The following ATP2C1 variants were observed in gnomAD, a reference collection of about 807,000 sequenced individuals.
ATP2C1 encodes the protein ATPase secretory pathway Ca2+ transporting 1, also known as calcium-transporting ATPase type 2C member 1.
A neutral mutation model predicts 120.5 loss-of-function variants in ATP2C1; 31 were observed. That is an observed-to-expected ratio of 0.26 (90% confidence interval 0.19 to 0.35). The LOEUF (loss-of-function observed/expected upper bound fraction) is 0.35. Among genes scored for constraint, ATP2C1 ranks in the 10% least tolerant of loss-of-function variants. The pLI, the probability that ATP2C1 is intolerant of heterozygous loss-of-function variation, is 1.00. For missense variants in ATP2C1, 731 were observed against 1,107.5 expected (o/e 0.66, Z 4.83); for synonymous variants, 351 against 358.7 (o/e 0.98, Z 0.24).
At chr3:130,850,663 A>C (rs1388816100) in exon 1 of ATP2C1, 4 of 447,774 alleles carry the variant, frequency 8.9e-6, no homozygotes, top group Non-Finnish European at 1.6e-5. Flanking sequence ...AACTCTACCC[A>C]AAAGAGGAAA....
intron 2 of ATP2C1, among the ~76,000 whole-genome samples, chr3:130,912,341 G>A (rs945894727): frequency 3.1e-4 from 47 of 151,200 alleles, no homozygotes; most frequent in East Asian, 2.9e-3. Context: ...GAAAATTTTC[G>A]CAACCTACTC....
At chr3:130,924,607 G>A (rs558204779) in intron 2 of ATP2C1, among the ~76,000 whole-genome samples, 2 of 152,246 alleles carry the variant, frequency 1.3e-5, no homozygotes, top group Admixed American at 1.3e-4. Context: ...AGATTTGGAT[G>A]TCTAGATCTC....
At position 130,894,149 on chromosome 3, in the gene ATP2C1, T is replaced by TGCCCCCCCC; in HGVS notation, c.-369_-368insGCCCCCCCC. 1 of 694,858 alleles carries TGCCCCCCCC rather than the reference T, an allele frequency of 1.4e-6. No individual in the cohort carries two copies. Among genetic ancestry groups the TGCCCCCCCC allele is most frequent in the Non-Finnish European group, 1.8e-6 (1 of 565,212 alleles). 43.0% of individuals were successfully genotyped at this position (694,858 alleles called of 1,614,324 possible). On this transcript the variant is annotated 5_prime_UTR_variant, in exon 1 of 28. Transcript: ENST00000510168. This position sits in a 1 kb window ranked among gnomAD's most constrained non-coding sequence, Gnocchi z 4.5. ...ACGGGTCCCCTCACCTCCTCTTCTC[T>TGCCCCCCCC]CCCCTCCCCGCCCGCCCTCTCTCCC...
intron 1 of ATP2C1, among the ~76,000 whole-genome samples, chr3:130,852,310 A>G (rs1460622768): frequency 6.6e-6 from 1 of 152,202 alleles, no homozygotes; most frequent in East Asian, 1.9e-4. Flanking sequence ...AAAGGATGGG[A>G]ACACAACTGT....
intron 1 of ATP2C1, among the ~76,000 whole-genome samples, chr3:130,878,691 C>T (rs1434719183): frequency 6.6e-6 from 1 of 152,168 alleles, no homozygotes. Flanking sequence ...TCTTTCAGCA[C>T]TTTGAATATA....
chr3:130,858,559 T>A (rs1024408173), intron 1 of ATP2C1, among the ~76,000 whole-genome samples: 6 of 152,216 alleles, frequency 3.9e-5, no homozygotes, highest in Non-Finnish European at 5.9e-5. Flanking sequence ...CAATTTCGCA[T>A]CTTTCTGTGG....
intron 4 of ATP2C1, among the ~76,000 whole-genome samples, chr3:130,933,973 A>G (rs1194214461): frequency 6.6e-6 from 1 of 152,212 alleles, no homozygotes; most frequent in Non-Finnish European, 1.5e-5. Context: ...AGATTCTAAC[A>G]TCAGAGTTTC....
At position 131,000,091 on chromosome 3, in the gene ATP2C1, T is replaced by A. The variant is rs1359864745; in HGVS notation, c.2629+432T>A. ...TTGTACATTCTAATTTCACAAAATGTCAGTCTGACCAAATAGCAGAATGTT... is the reference window on the plus strand; with the variant it reads ...TTGTACATTCTAATTTCACAAAATGACAGTCTGACCAAATAGCAGAATGTT... On this transcript the variant is annotated intron_variant, in intron 27 of 27. Transcript: ENST00000510168. Among the ~76,000 whole-genome samples the A allele has an allele frequency of 2.0e-5, 3 of 152,200 alleles. No homozygotes were observed. The East Asian group carries it at 5.8e-4, about 29-fold the overall frequency.
At chr3:131,001,093 A>G (rs2108961918) in intron 27 of ATP2C1, 127 bp from the exon 28 acceptor site, 2 of 690,980 alleles carry the variant, frequency 2.9e-6, no homozygotes, top group Non-Finnish European at 4.4e-6. Flanking sequence ...ACAGAGCAAG[A>G]CTTCATCTCA....
intron 1 of ATP2C1, among the ~76,000 whole-genome samples, chr3:130,854,592 G>C (rs544660871): frequency 6.2e-4 from 94 of 152,302 alleles, no homozygotes; most frequent in African/African-American, 2.3e-3. Context: ...GTGGAAGGGA[G>C]AATTTGCTCC....
chr3:130,882,150 TA>T (rs1423932556), intron 1 of ATP2C1, among the ~76,000 whole-genome samples: 1 of 152,164 alleles, frequency 6.6e-6, no homozygotes, highest in Non-Finnish European at 1.5e-5. Context: ...ATAATGACTC[TA>T]AGTTTTTCCC....
intron 17 of ATP2C1, among the ~76,000 whole-genome samples, chr3:130,972,816 A>G (rs2061387736): frequency 7.2e-6 from 1 of 139,182 alleles, no homozygotes; most frequent in South Asian, 2.1e-4. Context: ...ATGGCTGCAT[A>G]GTATTCCATG....
chr3:131,009,833 A>C (rs1482892885), intron 26 of ATP2C1, among the ~76,000 whole-genome samples: 2 of 152,196 alleles, frequency 1.3e-5, no homozygotes, highest in African/African-American at 4.8e-5. Flanking sequence ...AGCTGTGATG[A>C]CTGAAATGTG....
At chr3:130,935,866 T>G (rs867544833) in intron 5 of ATP2C1, among the ~76,000 whole-genome samples, 1 of 152,190 alleles carries the variant, frequency 6.6e-6, no homozygotes, top group Non-Finnish European at 1.5e-5. Flanking sequence ...ATGGGAAGTA[T>G]GCATGAAACT....
chr3:130,893,967 C>A, upstream of ATP2C1: 1 of 985,654 alleles, frequency 1.0e-6, no homozygotes, highest in Non-Finnish European at 1.2e-6. Flanking sequence ...CTGCGCGCAC[C>A]TCTCTCAGCG....
At chr3:130,961,573 G>A (rs1406087360) in intron 12 of ATP2C1, among the ~76,000 whole-genome samples, 1 of 152,012 alleles carries the variant, frequency 6.6e-6, no homozygotes. Flanking sequence ...TGGAATCATT[G>A]AGAAGGTTGA....
intron 6 of ATP2C1, among the ~76,000 whole-genome samples, chr3:130,938,216 TAAA>T (rs371913059): frequency 1.3e-5 from 2 of 152,302 alleles, no homozygotes; most frequent in African/African-American, 4.8e-5. Flanking sequence ...TACAGACAAA[TAAA>T]AATGTAGGCT....
chr3:130,894,608 G>A lies in ATP2C1; in HGVS notation c.-162G>A. ...CTTGCAGATGCTGCTGCTAGGGGTG[G>A]TGGGAGCAGCCGTGGGACGCGTGGC... On this transcript the variant is annotated 5_prime_UTR_variant, in exon 2 of 28. It adds an upstream start codon to the 5' untranslated region. Transcript: ENST00000510168. This position sits in a 1 kb window ranked among gnomAD's most constrained non-coding sequence, Gnocchi z 4.5. 2 of 1,560,896 alleles carry A rather than the reference G, an allele frequency of 1.3e-6. No homozygotes were observed. The highest frequency in any genetic ancestry group is 1.7e-6 in the Non-Finnish European group (2 of 1,151,792).
intron 20 of ATP2C1, among the ~76,000 whole-genome samples, chr3:130,992,271 T>A (rs1428985713): frequency 6.6e-6 from 1 of 151,468 alleles, no homozygotes; most frequent in Admixed American, 6.6e-5. Flanking sequence ...AGCAAAGTAC[T>A]ATTTGAGGAG....
Sources: gnomAD v4.1 joint callset for allele counts (sites outside exome capture counted in the v4.1 genomes callset) on GRCh38, gnomAD v4.1.1 for gene constraint, Gnocchi (gnomAD v3.1) non-coding constraint, MANE v1.5 for transcripts, NCBI Gene and HGNC (gene_info 2026-07-23, HGNC 2026-07-21) for gene names.